The following RPTOR variants were observed in gnomAD, a reference collection of about 807,000 sequenced individuals.
RPTOR encodes the protein regulatory-associated protein of mTOR.
Under a neutral mutation model 169.9 loss-of-function variants are expected in RPTOR, and 21 were observed. The ratio of observed to expected loss-of-function variants is 0.12; its 90% confidence interval spans 0.09 to 0.18. The LOEUF (loss-of-function observed/expected upper bound fraction) is 0.18, where lower values mean the gene tolerates loss of function less well. RPTOR is among the 10% of genes least tolerant of loss of function. The probability of loss-of-function intolerance (pLI) is 1.00; values close to 1 mark genes in which losing one functional copy is unlikely to be tolerated. For synonymous variants in RPTOR, 732 were observed against 753.2 expected (o/e 0.97, Z 0.46); for missense variants, 1,133 against 1,855.9 (o/e 0.61, Z 7.16).
intron 23 of RPTOR, among the ~76,000 whole-genome samples, chr17:80,925,069 T>G (rs776727360): frequency 3.9e-5 from 6 of 152,158 alleles, no homozygotes; most frequent in Non-Finnish European, 5.9e-5. Flanking sequence ...TGGACGCACG[T>G]GGCATTGTCT....
At chr17:80,940,949 G>A (rs2069018307) in intron 25 of RPTOR, among the ~76,000 whole-genome samples, 1 of 152,230 alleles carries the variant, frequency 6.6e-6, no homozygotes, top group Non-Finnish European at 1.5e-5. Flanking sequence ...ACTCATGGAG[G>A]CGGAACTTTG....
chr17:80,904,482 G>A (rs530303439), intron 20 of RPTOR, among the ~76,000 whole-genome samples: 9 of 152,270 alleles, frequency 5.9e-5, no homozygotes, highest in South Asian at 2.1e-4. Context: ...TTTCCCCGCC[G>A]TGTATGCTAT....
chr17:80,904,410 CTG>C (rs1257071336), intron 20 of RPTOR, among the ~76,000 whole-genome samples: 2 of 152,182 alleles, frequency 1.3e-5, no homozygotes, highest in Non-Finnish European at 2.9e-5. Flanking sequence ...TCTGTCTTCT[CTG>C]AACTGCTCCG....
chr17:80,925,562 C>A, intron 24 of RPTOR, 82 bp downstream of exon 24: 2 of 1,151,384 alleles, frequency 1.7e-6, no homozygotes, highest in Non-Finnish European at 2.6e-6. Flanking sequence ...ACGCTCAAGG[C>A]TTGTGGCTGT....
At chr17:80,804,347 G>A (rs1211887729) in intron 7 of RPTOR, 3 of 152,276 alleles carry the variant, frequency 2.0e-5, no homozygotes, top group Non-Finnish European at 2.9e-5. Flanking sequence ...TATTTCCATG[G>A]ATGATGACCC....
At chr17:80,869,250 C>T (rs1161001678) in intron 13 of RPTOR, among the ~76,000 whole-genome samples, 1 of 152,114 alleles carries the variant, frequency 6.6e-6, no homozygotes, top group Admixed American at 6.5e-5. Flanking sequence ...ACCTCCGCCT[C>T]CCGGGTTCAA....
Position 80,908,854 on chromosome 17 carries a change from G to C in RPTOR, c.2445G>C (p.Leu815=). 1 of 1,614,104 alleles carries C rather than the reference G, an allele frequency of 6.2e-7. No individual in the cohort carries two copies. Among genetic ancestry groups the C allele is most frequent in the Non-Finnish European group, 8.5e-7 (1 of 1,179,988 alleles). ...TTTACACTCAGATTTGGAGAGTCCT[G>C]CTGCACCTGGCTGCTGACCCCTATC... ...NSVYTQIWRV[L]LHLAADPYPE... is the part of the protein sequence containing the mutation. Residue 815 remains leucine, a synonymous_variant, in exon 21 of 34, where the codon CTG becomes CTC. Coordinates refer to ENST00000306801, the MANE Select transcript of RPTOR (RefSeq NM_020761.3).
rs192620901 is a variant in RPTOR at position 80,746,398 on chromosome 17, G to A, written c.655-7612G>A. On this transcript the variant is annotated intron_variant, in intron 5 of 33. Coordinates refer to ENST00000306801, the MANE Select transcript of RPTOR (RefSeq NM_020761.3). The surrounding 1 kb of genome is among the most constrained non-coding windows in gnomAD (Gnocchi z 4.5). ...AGGGAGCGGACGGCAGGCCTGGGGC[G>A]TGCTGCCCGCTTACCTCATGAACTG... Among the ~76,000 whole-genome samples the A allele has an allele frequency of 1.0e-3, 153 of 152,316 alleles. No individual in the cohort carries two copies. Among genetic ancestry groups the A allele is most frequent in the African/African-American group, 3.4e-3 (140 of 41,574 alleles).
At chr17:80,665,420 T>G (rs1396415666) in intron 3 of RPTOR, among the ~76,000 whole-genome samples, 317 of 11,926 alleles carry the variant, frequency 0.027, 24 homozygotes, top group African/African-American at 0.18. Flanking sequence ...TTCCTTTCCT[T>G]TCCTTTCCTT....
rs2143868213 is a variant in RPTOR, at chr17:80,891,773, C to T, written c.2037C>T (p.Cys679=). Residue 679 remains cysteine, a synonymous_variant, in exon 18 of 34, where the codon TGC becomes TGT. Transcript: ENST00000306801. ...HLVVQYESNF[C]TVALQFIEEE... is the part of the protein sequence containing the mutation. The stretch of plus-strand genomic sequence containing the variant: ...TGGTTCAGTATGAAAGCAATTTCTG[C>T]ACCGTGGCCCTGCAGTTCATAGAAG... 6 of 1,614,134 alleles carry T rather than the reference C, an allele frequency of 3.7e-6. No homozygotes were observed. The highest frequency in any genetic ancestry group is 4.2e-6 in the Non-Finnish European group (5 of 1,179,984).
At chr17:80,945,954 C>T (rs147497600) in intron 26 of RPTOR, among the ~76,000 whole-genome samples, 173 bp downstream of exon 26, 33 of 152,236 alleles carry the variant, frequency 2.2e-4, no homozygotes, top group Non-Finnish European at 4.1e-4. Flanking sequence ...CCTCTTTGAC[C>T]GAGCCCCACC....
At chr17:80,846,096 T>C (rs2067726557) in intron 10 of RPTOR, among the ~76,000 whole-genome samples, 1 of 152,192 alleles carries the variant, frequency 6.6e-6, no homozygotes, top group Non-Finnish European at 1.5e-5. Flanking sequence ...ACTTGCCTGC[T>C]GATCCACACA....
At chr17:80,846,343 TG>T in intron 10 of RPTOR, 129 bp from the exon 11 acceptor site, 1 of 851,796 alleles carries the variant, frequency 1.2e-6, no homozygotes, top group Non-Finnish European at 1.9e-6. Flanking sequence ...CTCAGCCGCC[TG>T]GCATCCTCGC....
chr17:80,711,744 C>CTTTTTTTTTTTTTTTTTTTTTTTTTTTTT lies in RPTOR; in HGVS notation c.507+3761_507+3762insTTTTTTTTTTTTTTTTTTTTTTTTTTTTT, dbSNP rs1226456124. On this transcript the variant is annotated intron_variant, in intron 4 of 33. Coordinates refer to ENST00000306801, the MANE Select transcript of RPTOR (RefSeq NM_020761.3). ...AGTTAACATATAGTTATACATCAGT[C>CTTTTTTTTTTTTTTTTTTTTTTTTTTTTT]TTTTTTTTTTTTTTTTGAGGTTAAG... 5.6e-4 allele frequency among the ~76,000 whole-genome samples: 50 copies of CTTTTTTTTTTTTTTTTTTTTTTTTTTTTT among 88,828 alleles called. 15 individuals are homozygous for CTTTTTTTTTTTTTTTTTTTTTTTTTTTTT. Among genetic ancestry groups the CTTTTTTTTTTTTTTTTTTTTTTTTTTTTT allele is most frequent in the African/African-American group, 2.0e-3 (32 of 15,648 alleles). The allele number at this position is 88,828 out of a possible 152,430, so 58.3% of individuals were successfully genotyped here. A position where few individuals can be genotyped will look rare whatever the true frequency, so the allele number is the denominator to read the frequency against.
intron 1 of RPTOR, among the ~76,000 whole-genome samples, chr17:80,574,679 A>G (rs545956691): frequency 1.3e-5 from 2 of 151,892 alleles, no homozygotes; most frequent in Non-Finnish European, 2.9e-5. Flanking sequence ...TTTTTGAGAC[A>G]AGATCTTGCT....
intron 1 of RPTOR, among the ~76,000 whole-genome samples, chr17:80,617,077 G>GC (rs991899023): frequency 2.0e-5 from 3 of 151,928 alleles, no homozygotes; most frequent in African/African-American, 4.8e-5. Context: ...CCCCACTTCT[G>GC]CCCCCCCATG....
chr17:80,667,375 G>T (rs2065788851), intron 3 of RPTOR, among the ~76,000 whole-genome samples: 1 of 152,170 alleles, frequency 6.6e-6, no homozygotes, highest in Non-Finnish European at 1.5e-5. Flanking sequence ...GAGCAGGCTG[G>T]ACTCTGCATT....
In RPTOR at chr17:80,945,703, G is replaced by A. The variant is rs370037798; in HGVS notation, c.3062G>A (p.Arg1021Lys). ...TTGGACGACCAAATATTTCTGAACA[G>A]GAACCCCGGCGTCCCCTCTGTGGTG... ...TRLDDQIFLN[R>K]NPGVPSVVKF... Residue 1021 changes from arginine to lysine, a missense_variant, in exon 26 of 34, where the codon AGG becomes AAG. Transcript: ENST00000306801. The A allele has an allele frequency of 9.8e-5, 158 of 1,611,716 alleles. No homozygotes were observed. The highest frequency in any genetic ancestry group is 1.3e-4 in the Non-Finnish European group (152 of 1,179,226).
At chr17:80,763,744 G>A (rs928660078) in intron 6 of RPTOR, among the ~76,000 whole-genome samples, 5 of 152,218 alleles carry the variant, frequency 3.3e-5, no homozygotes, top group Admixed American at 6.5e-5. Flanking sequence ...AATCAGCATC[G>A]TGTGAACTCC....
Sources: allele counts gnomAD v4.1 joint callset (sites outside exome capture counted in the v4.1 genomes callset), GRCh38; gene constraint gnomAD v4.1.1; non-coding constraint Gnocchi (gnomAD v3.1); transcripts MANE v1.5; gene names NCBI Gene and HGNC (gene_info 2026-07-23, HGNC 2026-07-21).